The following ZNF638 variants were observed in gnomAD, a reference collection of about 807,000 sequenced individuals.
ZNF638 encodes the protein zinc finger protein 638, also known as CTCL tumor antigen se33-1.
In ZNF638, 46 loss-of-function variants were observed where a neutral mutation model predicts 195.6. That is an observed-to-expected ratio of 0.24 (90% CI 0.19 to 0.30). The LOEUF is 0.30. Ranked by LOEUF, ZNF638 falls within the 10% of genes least tolerant of loss-of-function variation. The probability of loss-of-function intolerance (pLI) is 1.00; values close to 1 mark genes in which losing one functional copy is unlikely to be tolerated. For synonymous variants in ZNF638, 845 were observed against 772.0 expected, an observed-to-expected ratio of 1.09 and a Z score of -1.57; for missense variants, 2,440 against 2,325.3, an observed-to-expected ratio of 1.05 and a Z score of -1.01.
chr2:71,428,607 T>C lies in ZNF638; in HGVS notation c.5606T>C (p.Val1869Ala). Reference sequence around the variant, plus strand: ...ACTCTGCCATCAGAAAAAGCTGTTGTGACAGAACCAGCAAAAGGTGAAGAG... The same window carrying C: ...ACTCTGCCATCAGAAAAAGCTGTTGCGACAGAACCAGCAAAAGGTGAAGAG... ...GKTLPSEKAV[V>A]TEPAKGEEAF... is the part of the protein sequence containing the mutation. Residue 1869 changes from valine (V) to alanine (A), a missense_variant, in exon 25 of 28, where the codon GTG (valine) becomes GCG (alanine). Val to Ala is a moderately conservative substitution (Grantham distance 64). Around this residue, in one of 5 missense-constraint regions of ZNF638, gnomAD observed 1,883 missense variants for 1,739.1 expected, o/e 1.08. Coordinates refer to ENST00000264447, the MANE Select transcript of ZNF638 (RefSeq NM_014497.5). The C allele has an allele frequency of 1.2e-6, 2 of 1,614,038 alleles. No homozygotes were observed. The highest frequency in any genetic ancestry group is 1.7e-6 in the Non-Finnish European group (2 of 1,179,990).
chr2:71,376,737 T>A (rs1232985200), intron 8 of ZNF638, among the ~76,000 whole-genome samples: 1 of 152,124 alleles, frequency 6.6e-6, no homozygotes. Flanking sequence ...CCTATATCCC[T>A]ATGTTAATAT....
chr2:71,425,038 A>T (rs2080510799), intron 23 of ZNF638, among the ~76,000 whole-genome samples: 1 of 152,146 alleles, frequency 6.6e-6, no homozygotes, highest in South Asian at 2.1e-4. Context: ...AAAAAAATTT[A>T]TATATGTGAA....
intron 1 of ZNF638, among the ~76,000 whole-genome samples, chr2:71,345,101 CT>C (rs1421312454): frequency 6.6e-6 from 1 of 152,116 alleles, no homozygotes; most frequent in Non-Finnish European, 1.5e-5. Context: ...ATTCATAAAA[CT>C]TTCATTATGC....
At chr2:71,414,787 T>C (rs1573148779) in intron 20 of ZNF638, among the ~76,000 whole-genome samples, 2 of 117,390 alleles carry the variant, frequency 1.7e-5, no homozygotes, top group East Asian at 2.8e-4. Flanking sequence ...TTGAGCGGTT[T>C]TGAGTGAGAT....
intron 21 of ZNF638, among the ~76,000 whole-genome samples, chr2:71,419,767 T>G (rs980220990): frequency 6.6e-6 from 1 of 152,154 alleles, no homozygotes; most frequent in Non-Finnish European, 1.5e-5. Flanking sequence ...AAAACCCATT[T>G]TATTTCATTT....
At chr2:71,396,374 G>A (rs979554076) in intron 11 of ZNF638, among the ~76,000 whole-genome samples, 183 bp downstream of exon 11, 12 of 152,068 alleles carry the variant, frequency 7.9e-5, no homozygotes, top group African/African-American at 2.4e-4. Context: ...TGCTTCTATA[G>A]TAATTATTGA....
intron 10 of ZNF638, among the ~76,000 whole-genome samples, chr2:71,390,778 G>A (rs1401438512): frequency 6.6e-6 from 1 of 152,022 alleles, no homozygotes; most frequent in African/African-American, 2.4e-5. Context: ...CTTGGCCTTG[G>A]GTCACTCAGA....
chr2:71,365,835 T>TCC, intron 6 of ZNF638, 129 bp downstream of exon 6: 2 of 918,300 alleles, frequency 2.2e-6, no homozygotes, highest in Non-Finnish European at 3.2e-6. Flanking sequence ...TCCTCCTGCC[T>TCC]CATCTTCCCA....
Position 71,431,387 on chromosome 2 carries a change from A to G in ZNF638, c.5711A>G (p.Asp1904Gly). The change falls in exon 26 of 28, where the codon GAC becomes GGC. Residue 1904 changes from aspartate (D) to glycine (G), a missense_variant. This residue lies in a region of ZNF638 where 1,883 missense variants were observed against 1,739.1 expected (regional missense o/e 1.08). Transcript: ENST00000264447. ...EPERKRKKTE[D>G]SSSGKSVASD... ...GAGCGAAAACGCAAGAAGACTGAAG[A>G]CTCTTCTTCAGGCAAATCAGTGGCG... The G allele has an allele frequency of 6.2e-7, 1 of 1,613,972 alleles. No homozygotes were observed. Among genetic ancestry groups the G allele is most frequent in the Non-Finnish European group, 8.5e-7 (1 of 1,179,886 alleles).
chr2:71,392,153 A>G (rs2079794679), intron 10 of ZNF638, among the ~76,000 whole-genome samples: 1 of 152,202 alleles, frequency 6.6e-6, no homozygotes, highest in African/African-American at 2.4e-5. Context: ...CTCCATCTCT[A>G]GATTTTCAAT....
At chr2:71,418,473 C>G in intron 20 of ZNF638, 129 bp from the exon 21 acceptor site, 1 of 580,282 alleles carries the variant, frequency 1.7e-6, no homozygotes, top group Non-Finnish European at 2.8e-6. Flanking sequence ...ACACTGAAAA[C>G]TAGCTGCTTT....
At chr2:71,404,051 TGTTACA>T in intron 17 of ZNF638, 53 bp downstream of exon 17, 1 of 1,537,526 alleles carries the variant, frequency 6.5e-7, no homozygotes, top group Non-Finnish European at 8.8e-7. Context: ...AAATCAGATT[TGTTACA>T]GTCTGTTATG....
rs183364376 is a variant in ZNF638 at position 71,425,608 on chromosome 2, T to C, written c.4591-852T>C. Among the ~76,000 whole-genome samples the C allele has an allele frequency of 7.3e-3, 1,111 of 152,286 alleles. 19 individuals are homozygous for C. The highest frequency in any genetic ancestry group is 0.011 in the Non-Finnish European group (753 of 68,020). On this transcript the variant is annotated intron_variant, in intron 23 of 27. Transcript: ENST00000264447. ...TTTTCAAATACAGTTATGTTAGTCATTGAGTCTTAGTAATAATTTTTTCAT... is the reference window on the plus strand; with the variant it reads ...TTTTCAAATACAGTTATGTTAGTCACTGAGTCTTAGTAATAATTTTTTCAT...
Position 71,355,611 on chromosome 2 carries a change from C to T in ZNF638, c.1318-108C>T, listed in dbSNP as rs1042428311. The T allele has an allele frequency of 1.7e-4, 140 of 804,454 alleles. 1 individual carries two copies. The highest frequency in any genetic ancestry group is 2.2e-4 in the Non-Finnish European group (114 of 512,906). 49.8% of individuals were successfully genotyped at this position (804,454 alleles called of 1,614,324 possible). On this transcript the variant is annotated intron_variant, in intron 2 of 27. Coordinates refer to ENST00000264447, the MANE Select transcript of ZNF638 (RefSeq NM_014497.5). ...AGCAGCCAAATGCTATTTATGAGTA[C>T]GTTTGTTTAATTTTTGAACAAAATA...
intron 20 of ZNF638, among the ~76,000 whole-genome samples, chr2:71,411,496 C>CTA (rs1553484788): frequency 1.3e-5 from 1 of 74,918 alleles, no homozygotes; most frequent in African/African-American, 4.3e-5. Flanking sequence ...TTATTATACT[C>CTA]TAAGTTTTAG....
At chr2:71,347,043 G>T (rs75441738) in intron 1 of ZNF638, among the ~76,000 whole-genome samples, 1 of 138,238 alleles carries the variant, frequency 7.2e-6, no homozygotes, top group South Asian at 2.5e-4. Context: ...AAAAAAAAAA[G>T]AAAGATTATT....
Position 71,426,581 on chromosome 2 carries a change from A to G in ZNF638, c.4712A>G (p.Asn1571Ser). Residue 1571 changes from asparagine to serine, a missense_variant, in exon 24 of 28, where the codon AAT becomes AGT. By Grantham distance (46) the Asn-to-Ser change is conservative. Around this residue, in one of 5 missense-constraint regions of ZNF638, gnomAD observed 1,883 missense variants for 1,739.1 expected, o/e 1.08. Transcript: ENST00000264447. ...LKGKRKETLK[N>S]VPFSELNLKK... ...GGAAAAAGGAAAGAAACTCTCAAAA[A>G]TGTTCCTTTCTCTGAACTTAACTTA... The G allele has an allele frequency of 5.0e-6, 8 of 1,614,156 alleles. No individual in the cohort carries two copies. Among genetic ancestry groups the G allele is most frequent in the Non-Finnish European group, 6.8e-6 (8 of 1,180,016 alleles).
chr2:71,355,827 A>C (rs1238046961), intron 3 of ZNF638, 47 bp downstream of exon 3: 2 of 1,198,918 alleles, frequency 1.7e-6, no homozygotes, highest in African/African-American at 3.1e-5. Flanking sequence ...TTTACAAAAT[A>C]GTTAATGTTC....
In ZNF638 at chr2:71,349,188, T is replaced by G; in HGVS notation, c.234T>G (p.Thr78=). The G allele has an allele frequency of 1.2e-6, 2 of 1,614,190 alleles. No individual in the cohort carries two copies. Among genetic ancestry groups the G allele is most frequent in the Non-Finnish European group, 1.7e-6 (2 of 1,180,030 alleles). The change falls in exon 2 of 28, where the codon ACT becomes ACG. Residue 78 remains threonine (T), a synonymous_variant. Coordinates refer to ENST00000264447, the MANE Select transcript of ZNF638 (RefSeq NM_014497.5). The stretch of plus-strand genomic sequence containing the variant: ...ATGTTCAGGTAACTCAACACAGAAC[T>G]GATCCAAGATTGACCAAAGAAAAAC... The part of the protein sequence containing the change: ...RMNVQVTQHR[T]DPRLTKEKLD...
Sources: allele counts gnomAD v4.1 joint callset (sites outside exome capture counted in the v4.1 genomes callset), GRCh38; gene constraint gnomAD v4.1.1; regional missense constraint gnomAD v4.1.1; transcripts MANE v1.5; gene names NCBI Gene and HGNC (gene_info 2026-07-23, HGNC 2026-07-21).